MALRD1: variants seen among roughly 807,000 people sequenced by gnomAD.
MALRD1 encodes MAM and LDL-receptor class A domain-containing protein 1.
A neutral mutation model predicts 242.1 loss-of-function variants in MALRD1; 247 were observed. That is an observed-to-expected ratio of 1.02 (90% confidence interval 0.92 to 1.13). The LOEUF is 1.13. Among genes scored for constraint, MALRD1 ranks in the 50% most tolerant of loss-of-function variants. The pLI, the probability that MALRD1 is intolerant of heterozygous loss-of-function variation, is 0.00. For missense variants in MALRD1, 2,989 were observed against 2,533.1 expected, an observed-to-expected ratio of 1.18 and a Z score of -3.86; for synonymous variants, 995 against 866.6, an observed-to-expected ratio of 1.15 and a Z score of -2.60.
intron 28 of MALRD1, among the ~76,000 whole-genome samples, chr10:19,405,135 C>T (rs1489355872): frequency 6.6e-6 from 1 of 152,108 alleles, no homozygotes; most frequent in African/African-American, 2.4e-5. Context: ...CACGTTACCT[C>T]AACTTTCTAA....
At chr10:19,351,884 CA>C in intron 25 of MALRD1, 121 bp from the exon 26 acceptor site, 1 of 904,400 alleles carries the variant, frequency 1.1e-6, no homozygotes, top group Non-Finnish European at 1.6e-6. Context: ...AGAGAATAAA[CA>C]GGTGTAATTT....
At chr10:19,646,995 A>G (rs1211844032) in intron 36 of MALRD1, among the ~76,000 whole-genome samples, 1 of 152,182 alleles carries the variant, frequency 6.6e-6, no homozygotes, top group Non-Finnish European at 1.5e-5. Context: ...GGAGAAAGGA[A>G]CAGAGATCAC....
chr10:19,388,461 C>G (rs1263937477), intron 27 of MALRD1, among the ~76,000 whole-genome samples: 2 of 152,154 alleles, frequency 1.3e-5, no homozygotes, highest in Non-Finnish European at 2.9e-5. Context: ...TAATCAATAA[C>G]CCTGAATTCT....
chr10:19,129,118 G>T (rs1837372959), intron 8 of MALRD1, among the ~76,000 whole-genome samples: 1 of 151,948 alleles, frequency 6.6e-6, no homozygotes, highest in South Asian at 2.1e-4. Flanking sequence ...CCTCAATTCT[G>T]ACACTGCTAC....
At chr10:19,126,277 G>A (rs1247525804) in intron 7 of MALRD1, among the ~76,000 whole-genome samples, 1 of 152,088 alleles carries the variant, frequency 6.6e-6, no homozygotes, top group Non-Finnish European at 1.5e-5. Context: ...ATCACTTGCA[G>A]AAATTATGTT....
chr10:19,654,407 A>G (rs941023757), intron 36 of MALRD1, among the ~76,000 whole-genome samples: 2 of 152,146 alleles, frequency 1.3e-5, no homozygotes, highest in Non-Finnish European at 2.9e-5. Flanking sequence ...TGTTTTGATG[A>G]TTTATAGTGC....
intron 26 of MALRD1, among the ~76,000 whole-genome samples, chr10:19,379,313 T>C (rs760912582): frequency 2.6e-5 from 4 of 152,134 alleles, no homozygotes; most frequent in Non-Finnish European, 5.9e-5. Flanking sequence ...TATTTCCTCT[T>C]TATTATTTTC....
At chr10:19,239,141 C>T (rs568761741) in intron 18 of MALRD1, among the ~76,000 whole-genome samples, 2 of 151,694 alleles carry the variant, frequency 1.3e-5, no homozygotes, top group Admixed American at 6.6e-5. Context: ...TCACGGCAAC[C>T]TCCATCTCCC....
intron 31 of MALRD1, among the ~76,000 whole-genome samples, chr10:19,526,735 T>A (rs1834116744): frequency 6.6e-6 from 1 of 152,146 alleles, no homozygotes; most frequent in South Asian, 2.1e-4. Flanking sequence ...GATTGTCCTG[T>A]GCCAAAATAA....
intron 31 of MALRD1, among the ~76,000 whole-genome samples, chr10:19,506,749 A>G (rs1454434247): frequency 2.0e-5 from 3 of 152,196 alleles, no homozygotes; most frequent in Non-Finnish European, 4.4e-5. Context: ...ATAAAAATAT[A>G]TACTGAAGTA....
At chr10:19,182,777 C>G (rs1175702194) in intron 14 of MALRD1, among the ~76,000 whole-genome samples, 1 of 152,144 alleles carries the variant, frequency 6.6e-6, no homozygotes, top group Admixed American at 6.5e-5. Flanking sequence ...ATGATCAAAA[C>G]TTCACTTTTG....
intron 31 of MALRD1, among the ~76,000 whole-genome samples, chr10:19,523,264 C>T (rs1298260468): frequency 6.6e-6 from 1 of 152,164 alleles, no homozygotes; most frequent in Non-Finnish European, 1.5e-5. Context: ...GTGGACAATC[C>T]TGCCTACAGT....
rs564455088 is a variant in MALRD1, at chr10:19,146,362, T to C, written c.1558+18T>C. Reference sequence around the variant, plus strand: ...AAATCATGGTAGGACATTTTCCTCTTTAAAAAAAAATAGTTTTCTTTCTTG... The same window carrying C: ...AAATCATGGTAGGACATTTTCCTCTCTAAAAAAAAATAGTTTTCTTTCTTG... On this transcript the variant is annotated intron_variant, in intron 11 of 39. Coordinates refer to ENST00000454679, the MANE Select transcript of MALRD1 (RefSeq NM_001142308.3). The C allele has an allele frequency of 6.5e-6, 8 of 1,227,926 alleles. No homozygotes were observed. Among genetic ancestry groups the C allele is most frequent in the Non-Finnish European group, 7.1e-6 (7 of 985,112 alleles). 76.1% of individuals were successfully genotyped at this position (1,227,926 alleles called of 1,614,324 possible).
In MALRD1 at chr10:19,242,494, T is replaced by A. The variant is rs560892387; in HGVS notation, c.2992-15190T>A. ...TTTGGTTGATTTTCTCTTCAGATAA[T>A]CTGTCCATTTTTAAAGTGGAGTGTT... On this transcript the variant is annotated intron_variant, in intron 18 of 39. Transcript: ENST00000454679. 7.0e-4 allele frequency among the ~76,000 whole-genome samples: 107 copies of A among 152,290 alleles called. 1 individual carries two copies. In the South Asian group the frequency reaches 0.022, roughly 31 times the overall value.
At chr10:19,533,221 C>T (rs7912969) in intron 32 of MALRD1, among the ~76,000 whole-genome samples, 106,618 of 152,120 alleles carry the variant, frequency 0.7, 40,787 homozygotes, top group Non-Finnish European at 0.84. Flanking sequence ...TGTGTTTAGC[C>T]ATGTTTCTGT....
intron 10 of MALRD1, among the ~76,000 whole-genome samples, chr10:19,145,842 G>A (rs989782807): frequency 1.3e-5 from 2 of 151,880 alleles, no homozygotes; most frequent in African/African-American, 2.4e-5. Flanking sequence ...CCCCTTCCCA[G>A]TGGATTTTTT....
intron 14 of MALRD1, among the ~76,000 whole-genome samples, chr10:19,194,921 C>T (rs1358030499): frequency 6.6e-6 from 1 of 152,142 alleles, no homozygotes; most frequent in Non-Finnish European, 1.5e-5. Flanking sequence ...GTTTTGCCTT[C>T]CACAGTCAAT....
At chr10:19,726,075 G>A (rs1483827317) in intron 38 of MALRD1, among the ~76,000 whole-genome samples, 2 of 151,890 alleles carry the variant, frequency 1.3e-5, no homozygotes, top group East Asian at 1.9e-4. Context: ...AAAAGCACAA[G>A]CAACAACAAA....
rs1564574066 is a variant in MALRD1 at position 19,338,059 on chromosome 10, TCA to T, written c.3901+6478_3901+6479del. Among the ~76,000 whole-genome samples, 5 of 85,904 alleles carry T rather than the reference TCA, an allele frequency of 5.8e-5. No homozygotes were observed. The South Asian group carries it at 1.5e-3, about 26-fold the overall frequency. 56.4% of individuals were successfully genotyped at this position (85,904 alleles called of 152,430 possible). ...CCTGGTGACAGAGCAAGATTCTGTC[TCA>T]AAAAAAAAAAAAAAGAAAGAAAGTA... is the stretch of plus-strand genomic sequence containing the variant. On this transcript the variant is annotated intron_variant, in intron 24 of 39. Coordinates refer to ENST00000454679, the MANE Select transcript of MALRD1 (RefSeq NM_001142308.3).
Sources: gnomAD v4.1 joint callset for allele counts (sites outside exome capture counted in the v4.1 genomes callset) on GRCh38, gnomAD v4.1.1 for gene constraint, MANE v1.5 for transcripts, NCBI Gene and HGNC (gene_info 2026-07-23, HGNC 2026-07-21) for gene names.